The following ALG6 variants were observed in gnomAD, a reference collection of about 807,000 sequenced individuals.
ALG6 encodes the protein dolichyl pyrophosphate Man9GlcNAc2 alpha-1,3-glucosyltransferase.
Under a neutral mutation model 66.6 loss-of-function variants are expected in ALG6, and 46 were observed. The observed-to-expected ratio is 0.69, with a 90% CI of 0.55 to 0.88. The LOEUF (loss-of-function observed/expected upper bound fraction) is 0.88, where lower values mean the gene tolerates loss of function less well. Among genes scored for constraint, ALG6 ranks in the 40% least tolerant of loss-of-function variants. The pLI is 0.00. For synonymous variants in ALG6, 185 were observed against 203.7 expected, an observed-to-expected ratio of 0.91 and a Z score of 0.78; for missense variants, 505 against 586.8, an observed-to-expected ratio of 0.86 and a Z score of 1.44.
chr1:63,398,727 G>A (rs963212908), intron 3 of ALG6, among the ~76,000 whole-genome samples: 3 of 151,958 alleles, frequency 2.0e-5, no homozygotes, highest in Non-Finnish European at 2.9e-5. Context: ...CGCCCATCTC[G>A]GCCTCCCAAA....
chr1:63,437,032 A>C lies in ALG6; in HGVS notation c.*12A>C. On this transcript the variant is annotated 3_prime_UTR_variant, in exon 15 of 15. Transcript: ENST00000263440. ...AGAAAATCAGCTAGCTGTATTCCTAAACAAATTGTTTCCTAAACAAATGTG... is the reference window on the plus strand; with the variant it reads ...AGAAAATCAGCTAGCTGTATTCCTACACAAATTGTTTCCTAAACAAATGTG... 6.2e-7 allele frequency: 1 copy of C among 1,608,792 alleles called. No homozygotes were observed. Among genetic ancestry groups the C allele is most frequent in the South Asian group, 1.1e-5 (1 of 90,708 alleles).
At chr1:63,400,627 T>G (rs866673230) in intron 3 of ALG6, among the ~76,000 whole-genome samples, 2 of 151,894 alleles carry the variant, frequency 1.3e-5, no homozygotes, top group Non-Finnish European at 2.9e-5. Context: ...TTTACTCATC[T>G]CCAGTGGATC....
In ALG6 at chr1:63,437,030, TAAAC is replaced by T. The variant is rs1644682992; in HGVS notation, c.*14_*17del. 3 of 1,609,262 alleles carry T rather than the reference TAAAC, an allele frequency of 1.9e-6. No individual in the cohort carries two copies. In the South Asian group the frequency reaches 3.3e-5, roughly 18 times the overall value. ...GAAGAAAATCAGCTAGCTGTATTCC[TAAAC>T]AAATTGTTTCCTAAACAAATGTGAA... On this transcript the variant is annotated 3_prime_UTR_variant, in exon 15 of 15. Transcript: ENST00000263440.
intron 3 of ALG6, among the ~76,000 whole-genome samples, chr1:63,401,604 G>A (rs981000405): frequency 6.6e-6 from 1 of 151,610 alleles, no homozygotes; most frequent in Non-Finnish European, 1.5e-5. Flanking sequence ...AAAAACCCAG[G>A]AGGCGGAAGT....
intron 2 of ALG6, among the ~76,000 whole-genome samples, chr1:63,381,635 A>T (rs1317666263): frequency 6.9e-6 from 1 of 144,794 alleles, no homozygotes; most frequent in African/African-American, 2.6e-5. Context: ...ACAGAACAAG[A>T]CCCTGTTTAA....
chr1:63,437,000 A>C lies in ALG6; in HGVS notation c.1504A>C (p.Asn502His). The change falls in exon 15 of 15, where the codon AAT becomes CAT. Residue 502 changes from asparagine (N) to histidine (H), a missense_variant. Physicochemically the swap from Asn to His is moderately conservative, Grantham distance 68 (BLOSUM62 1). Transcript: ENST00000263440. ...IIMWDSKSGR[N>H]QKKIS ...TATGTGGGATTCCAAAAGTGGAAGA[A>C]ATCAGAAGAAAATCAGCTAGCTGTA... 6.2e-7 allele frequency: 1 copy of C among 1,613,158 alleles called. No individual in the cohort carries two copies. Among genetic ancestry groups the C allele is most frequent in the Non-Finnish European group, 8.5e-7 (1 of 1,179,408 alleles).
At chr1:63,414,489 A>T (rs972952334) in intron 10 of ALG6, among the ~76,000 whole-genome samples, 1 of 152,084 alleles carries the variant, frequency 6.6e-6, no homozygotes, top group African/African-American at 2.4e-5. Flanking sequence ...ACCTCAGGTG[A>T]TCCACCCACC....
At position 63,406,367 on chromosome 1, in the gene ALG6, T is replaced by C. The variant is rs1228861594; in HGVS notation, c.397T>C (p.Cys133Arg). Residue 133 changes from cysteine (C) to arginine (R), a missense_variant, in exon 6 of 15, where the codon TGT becomes CGT. Cys to Arg is a radical substitution (Grantham distance 180). Coordinates refer to ENST00000263440, the MANE Select transcript of ALG6 (RefSeq NM_013339.4). The stretch of plus-strand genomic sequence containing the variant: ...CATACCTGCAGTGGTTTTGTACTGT[T>C]GTTGCTTAAAAGAAATCTCAACTAA... ...IYIPAVVLYC[C>R]CLKEISTKKK... 6.2e-7 allele frequency: 1 copy of C among 1,613,394 alleles called. No homozygotes were observed. Among genetic ancestry groups the C allele is most frequent in the Admixed American group, 1.7e-5 (1 of 60,004 alleles).
Position 63,383,656 on chromosome 1 carries a change from G to A in ALG6, c.82+12597G>A, listed in dbSNP as rs558092413. 1.5e-4 allele frequency among the ~76,000 whole-genome samples: 23 copies of A among 152,184 alleles called. No homozygotes were observed. The South Asian group carries it at 4.6e-3, about 30-fold the overall frequency. ...GTAAATGAGGTATTCATTACCTCAA[G>A]CATTTATTCTTTGTATTATAAACAT... On this transcript the variant is annotated intron_variant, in intron 2 of 14. Transcript: ENST00000263440.
At chr1:63,413,167 A>G (rs895826613) in intron 9 of ALG6, among the ~76,000 whole-genome samples, 1 of 150,856 alleles carries the variant, frequency 6.6e-6, no homozygotes, top group African/African-American at 2.5e-5. Flanking sequence ...ACTGAGGTCA[A>G]AGATTCCTAT....
intron 7 of ALG6, among the ~76,000 whole-genome samples, chr1:63,410,403 C>T (rs1314867147): frequency 6.6e-6 from 1 of 152,038 alleles, no homozygotes; most frequent in Non-Finnish European, 1.5e-5. Flanking sequence ...TCCAGGCTTG[C>T]ACCACCACAC....
At chr1:63,429,845 C>G (rs1300272362) in intron 14 of ALG6, 1 of 128,620 alleles carries the variant, frequency 7.8e-6, no homozygotes, top group South Asian at 2.8e-4. Flanking sequence ...TCGGTTCTTT[C>G]ACTTAGTGTG....
intron 3 of ALG6, among the ~76,000 whole-genome samples, chr1:63,400,190 G>C (rs537627553): frequency 3.8e-4 from 20 of 52,464 alleles, no homozygotes; most frequent in Non-Finnish European, 5.3e-4. Context: ...GCAAAACTCT[G>C]TCTCAAAAAA....
chr1:63,372,532 T>C (rs1464916083), intron 2 of ALG6, among the ~76,000 whole-genome samples: 1 of 129,712 alleles, frequency 7.7e-6, no homozygotes, highest in African/African-American at 2.9e-5. Context: ...TGTGTGTCTG[T>C]ATATAGTAAA....
chr1:63,372,324 ATAATAT>A (rs1647955016), intron 2 of ALG6, among the ~76,000 whole-genome samples: 1 of 152,162 alleles, frequency 6.6e-6, no homozygotes, highest in South Asian at 2.1e-4. Context: ...AAATGAGACA[ATAATAT>A]TAATAGTTGT....
chr1:63,422,220 TATATAAATATAA>T lies in ALG6; in HGVS notation c.1058+2786_1058+2797del, dbSNP rs1232846153. ...ATCTATATGAATATAAATATATATT[TATATAAATATAA>T]ATATATATATAAATATATATATTTA... On this transcript the variant is annotated intron_variant, in intron 12 of 14. Transcript: ENST00000263440. 9.7e-3 allele frequency among the ~76,000 whole-genome samples: 542 copies of T among 55,828 alleles called. 23 individuals are homozygous for T. Among genetic ancestry groups the T allele is most frequent in the African/African-American group, 0.044 (500 of 11,438 alleles). The allele number at this position is 55,828 out of a possible 152,430, so 36.6% of individuals were successfully genotyped here.
intron 13 of ALG6, 24 bp downstream of exon 13, chr1:63,428,825 A>AT (rs1557597504): frequency 6.3e-7 from 1 of 1,590,534 alleles, no homozygotes; most frequent in Admixed American, 1.7e-5. Context: ...ATTTCCATAT[A>AT]TTTTCAGTAT....
chr1:63,416,691 T>C (rs1471857236), intron 11 of ALG6, among the ~76,000 whole-genome samples: 2 of 152,316 alleles, frequency 1.3e-5, no homozygotes, highest in Middle Eastern at 3.4e-3. Flanking sequence ...TTTAGGAGGA[T>C]GACTTGTGTC....
At chr1:63,424,596 CAA>C (rs1167343620) in intron 12 of ALG6, among the ~76,000 whole-genome samples, 2 of 151,880 alleles carry the variant, frequency 1.3e-5, no homozygotes, top group African/African-American at 2.4e-5. Flanking sequence ...TTTTGATGCA[CAA>C]AAGTTTTTAA....
Sources: gnomAD v4.1 joint callset for allele counts (sites outside exome capture counted in the v4.1 genomes callset) on GRCh38, gnomAD v4.1.1 for gene constraint, MANE v1.5 for transcripts, NCBI Gene and HGNC (gene_info 2026-07-23, HGNC 2026-07-21) for gene names.